The following TLN2 variants were observed in gnomAD, a reference collection of about 807,000 sequenced individuals.
The protein encoded by TLN2 is talin-2.
A neutral mutation model predicts 294.7 loss-of-function variants in TLN2; 118 were observed. That is an observed-to-expected ratio of 0.40 (90% confidence interval 0.34 to 0.47). The LOEUF (loss-of-function observed/expected upper bound fraction) is 0.47. Ranked by LOEUF, TLN2 falls within the 20% of genes least tolerant of loss-of-function variation. The pLI is 0.84. For synonymous variants in TLN2, 1,431 were observed against 1,304.5 expected, an observed-to-expected ratio of 1.10 and a Z score of -2.09; for missense variants, 3,083 against 3,282.2, an observed-to-expected ratio of 0.94 and a Z score of 1.48.
intron 1 of TLN2, among the ~76,000 whole-genome samples, chr15:62,410,166 C>T (rs558703455): frequency 3.9e-5 from 6 of 151,916 alleles, no homozygotes; most frequent in East Asian, 1.9e-4. Flanking sequence ...TGCTTGAACC[C>T]GGGAGACGGA....
chr15:62,723,815 G>A (rs982794813), intron 26 of TLN2, among the ~76,000 whole-genome samples: 4 of 151,636 alleles, frequency 2.6e-5, no homozygotes, highest in African/African-American at 9.7e-5. Flanking sequence ...CTCCCAAAGT[G>A]TTAGGATTAC....
chr15:62,519,913 A>C (rs1010394967), intron 1 of TLN2, among the ~76,000 whole-genome samples: 3 of 152,242 alleles, frequency 2.0e-5, no homozygotes, highest in Non-Finnish European at 4.4e-5. Flanking sequence ...GTAATTTACA[A>C]AGAAAAAGAG....
chr15:62,541,283 G>T (rs2041668100), intron 1 of TLN2, among the ~76,000 whole-genome samples: 1 of 152,108 alleles, frequency 6.6e-6, no homozygotes, highest in Admixed American at 6.5e-5. Flanking sequence ...ATTAAATGAG[G>T]TAACACAAGT....
rs376480110 is a variant in TLN2 at position 62,702,754 on chromosome 15, G to T, written c.1906-12G>T. 2.5e-6 allele frequency: 4 copies of T among 1,613,776 alleles called. No homozygotes were observed. The African/African-American group carries it at 4.0e-5, about 16-fold the overall frequency. ...GTTTTCTTTCCAATTAAGGTGTGTTGTTTGTTCACAGCCTCGACAGACAGT... is the reference window on the plus strand; with the variant it reads ...GTTTTCTTTCCAATTAAGGTGTGTTTTTTGTTCACAGCCTCGACAGACAGT... On this transcript the variant is annotated splice_polypyrimidine_tract_variant and intron_variant, in intron 18 of 58. Transcript: ENST00000636159.
chr15:62,608,689 G>C (rs754144588), intron 2 of TLN2, among the ~76,000 whole-genome samples: 9 of 152,068 alleles, frequency 5.9e-5, no homozygotes, highest in Non-Finnish European at 1.0e-4. Context: ...GTTTATTTTT[G>C]AATAAGAGGA....
chr15:62,529,443 G>A (rs747888382), intron 1 of TLN2, among the ~76,000 whole-genome samples: 3 of 151,752 alleles, frequency 2.0e-5, no homozygotes, highest in Non-Finnish European at 4.4e-5. Context: ...AGAAATAGGA[G>A]AGAACTCGTA....
intron 54 of TLN2, among the ~76,000 whole-genome samples, chr15:62,825,025 A>T (rs937415): frequency 6.6e-6 from 1 of 152,104 alleles, no homozygotes; most frequent in African/African-American, 2.4e-5. Flanking sequence ...TGACAGGGTC[A>T]CCAACAGCAA....
At chr15:62,586,420 A>G (rs1256421619) in intron 1 of TLN2, among the ~76,000 whole-genome samples, 1 of 152,222 alleles carries the variant, frequency 6.6e-6, no homozygotes, top group Non-Finnish European at 1.5e-5. Context: ...TATATCCAAC[A>G]TATCTATAAA....
intron 2 of TLN2, among the ~76,000 whole-genome samples, chr15:62,594,592 A>G (rs1194800107): frequency 6.6e-6 from 1 of 152,212 alleles, no homozygotes; most frequent in African/African-American, 2.4e-5. Context: ...TGTTGGGACA[A>G]CTGGATATCC....
chr15:62,678,648 T>C (rs2056492156), intron 11 of TLN2, among the ~76,000 whole-genome samples: 1 of 152,138 alleles, frequency 6.6e-6, no homozygotes, highest in Non-Finnish European at 1.5e-5. Flanking sequence ...CTGGCCAACA[T>C]AGTGAAACCC....
At chr15:62,669,913 T>TA (rs1206624341) in intron 9 of TLN2, among the ~76,000 whole-genome samples, 1 of 152,138 alleles carries the variant, frequency 6.6e-6, no homozygotes, top group Non-Finnish European at 1.5e-5. Flanking sequence ...CACAAACCGA[T>TA]TCTTGAGACC....
At chr15:62,718,033 A>C (rs148564943) in intron 24 of TLN2, among the ~76,000 whole-genome samples, 1 of 152,302 alleles carries the variant, frequency 6.6e-6, no homozygotes, top group East Asian at 1.9e-4. Context: ...GCAGGACTTC[A>C]AATTCAGCCT....
At chr15:62,708,869 A>T in intron 21 of TLN2, 73 bp downstream of exon 21, 1 of 1,496,952 alleles carries the variant, frequency 6.7e-7, no homozygotes, top group East Asian at 2.4e-5. Flanking sequence ...ACCCATAGGG[A>T]AGGTGAAGGC....
intron 2 of TLN2, among the ~76,000 whole-genome samples, chr15:62,609,355 A>G (rs1378139355): frequency 6.6e-6 from 1 of 152,322 alleles, no homozygotes; most frequent in East Asian, 1.9e-4. Flanking sequence ...CAAAATTGCT[A>G]TCATCTAATT....
intron 3 of TLN2, chr15:62,638,567 G>T: frequency 2.2e-6 from 1 of 456,030 alleles, no homozygotes; most frequent in South Asian, 1.5e-5. Flanking sequence ...TGCTTTTCTA[G>T]CAGTGTGAAC....
intron 3 of TLN2, among the ~76,000 whole-genome samples, chr15:62,639,427 G>C (rs922751407): frequency 1.3e-5 from 2 of 152,158 alleles, no homozygotes; most frequent in Non-Finnish European, 2.9e-5. Flanking sequence ...TGTGGGGGTG[G>C]TTAATTATTT....
intron 1 of TLN2, among the ~76,000 whole-genome samples, chr15:62,421,801 A>C (rs2034417987): frequency 6.6e-6 from 1 of 152,090 alleles, no homozygotes; most frequent in African/African-American, 2.4e-5. Flanking sequence ...TTGCACATGT[A>C]ACCCTGAACT....
At chr15:62,665,539 G>C (rs560851063) in intron 9 of TLN2, among the ~76,000 whole-genome samples, 1 of 152,272 alleles carries the variant, frequency 6.6e-6, no homozygotes, top group South Asian at 2.1e-4. Flanking sequence ...GTGTGGGCAG[G>C]CAGGTCACAG....
At chr15:62,701,687 G>C (rs1165964637) in intron 17 of TLN2, among the ~76,000 whole-genome samples, 2 of 152,192 alleles carry the variant, frequency 1.3e-5, no homozygotes, top group Non-Finnish European at 2.9e-5. Context: ...CCTTTCAGGA[G>C]CAGAGTTGAC....
Sources: gnomAD v4.1 joint callset for allele counts (sites outside exome capture counted in the v4.1 genomes callset) on GRCh38, gnomAD v4.1.1 for gene constraint, MANE v1.5 for transcripts, NCBI Gene and HGNC (gene_info 2026-07-23, HGNC 2026-07-21) for gene names.